The following SH3PXD2B variants were observed in gnomAD, a reference collection of about 807,000 sequenced individuals.
SH3PXD2B encodes the protein SH3 and PX domains 2B, also known as SH3 and PX domain-containing protein 2B.
Under a neutral mutation model 73.1 loss-of-function variants are expected in SH3PXD2B, and 37 were observed. The observed-to-expected ratio is 0.51, with a 90% CI of 0.39 to 0.67. The LOEUF is 0.67. Ranked by LOEUF, SH3PXD2B falls within the 30% of genes least tolerant of loss-of-function variation. The pLI, the probability that SH3PXD2B is intolerant of heterozygous loss-of-function variation, is 0.00. For synonymous variants in SH3PXD2B, 457 were observed against 480.5 expected, an observed-to-expected ratio of 0.95 and a Z score of 0.64; for missense variants, 1,053 against 1,197.8, an observed-to-expected ratio of 0.88 and a Z score of 1.78.
intron 6 of SH3PXD2B, among the ~76,000 whole-genome samples, chr5:172,368,556 ATATATATATAAAATATG>A (rs1757603503): frequency 4.2e-5 from 1 of 23,688 alleles, no homozygotes; most frequent in South Asian, 1.9e-3. Context: ...TATATATATT[ATATATATATAAAATATG>A]TTATATATAT....
At chr5:172,416,817 T>TC (rs1223342332) in intron 2 of SH3PXD2B, among the ~76,000 whole-genome samples, 1 of 146,824 alleles carries the variant, frequency 6.8e-6, no homozygotes, top group African/African-American at 2.5e-5. Context: ...CAAGGGATCC[T>TC]CCCACCTCAG....
chr5:172,352,115 A>G (rs936216586), intron 9 of SH3PXD2B, among the ~76,000 whole-genome samples: 2 of 152,224 alleles, frequency 1.3e-5, no homozygotes, highest in Non-Finnish European at 2.9e-5. Context: ...CTTGAGTCTA[A>G]TTAAGCCACT....
At position 172,454,470 on chromosome 5, in the gene SH3PXD2B, G is replaced by GGCCGAGCACGAGCCGCC; in HGVS notation, c.-135_-119dup. On this transcript the variant is annotated 5_prime_UTR_variant, in exon 1 of 13. Transcript: ENST00000311601. ...TGGAGCTGAGCGCAATCGCAGCCGG[G>GGCCGAGCACGAGCCGCC]GCCGAGCACGAGCCGCCGCCGCCAC... is the stretch of plus-strand genomic sequence containing the variant. 1 of 431,418 alleles carries GGCCGAGCACGAGCCGCC rather than the reference G, an allele frequency of 2.3e-6. No homozygotes were observed. Among genetic ancestry groups the GGCCGAGCACGAGCCGCC allele is most frequent in the Non-Finnish European group, 3.2e-6 (1 of 311,076 alleles). 26.7% of individuals were successfully genotyped at this position (431,418 alleles called of 1,614,324 possible). A position where few individuals can be genotyped will look rare whatever the true frequency, so the allele number is the denominator to read the frequency against.
At position 172,336,971 on chromosome 5, in the gene SH3PXD2B, C is replaced by G; in HGVS notation, c.*1398G>C. ...GCACAGGAAGCAGCTCTGCCTGGCCCTTGGTTACCTGCCTCCCTATGGGAC... is the reference window on the plus strand; with the variant it reads ...GCACAGGAAGCAGCTCTGCCTGGCCGTTGGTTACCTGCCTCCCTATGGGAC... On this transcript the variant is annotated 3_prime_UTR_variant, in exon 13 of 13. Transcript: ENST00000311601. 2.0e-6 allele frequency: 2 copies of G among 985,546 alleles called. No homozygotes were observed. Among genetic ancestry groups the G allele is most frequent in the Non-Finnish European group, 1.2e-6 (1 of 829,984 alleles). 61.1% of individuals were successfully genotyped at this position (985,546 alleles called of 1,614,324 possible).
In SH3PXD2B at chr5:172,335,924, A is replaced by G. The variant is rs1756680350; in HGVS notation, c.*2445T>C. ...CGCGGGTCATGTCAGAATAATCATC[A>G]TCATCATAGCAAAAGAGAATGGCAG... On this transcript the variant is annotated 3_prime_UTR_variant, in exon 13 of 13. Coordinates refer to ENST00000311601, the MANE Select transcript of SH3PXD2B (RefSeq NM_001017995.3). The G allele has an allele frequency of 1.7e-6, 2 of 1,175,476 alleles. No homozygotes were observed. Among genetic ancestry groups the G allele is most frequent in the Admixed American group, 9.2e-5 (2 of 21,848 alleles). 72.8% of individuals were successfully genotyped at this position (1,175,476 alleles called of 1,614,324 possible). A position where few individuals can be genotyped will look rare whatever the true frequency, so the allele number is the denominator to read the frequency against.
intron 3 of SH3PXD2B, 75 bp from the exon 4 acceptor site, chr5:172,394,714 C>T: frequency 6.6e-7 from 1 of 1,515,744 alleles, no homozygotes. Context: ...AGGGTGTGGA[C>T]ATGGCGGTTC....
At chr5:172,412,783 T>C (rs930137434) in intron 2 of SH3PXD2B, among the ~76,000 whole-genome samples, 1 of 152,074 alleles carries the variant, frequency 6.6e-6, no homozygotes, top group Non-Finnish European at 1.5e-5. Context: ...ACCCATGTCA[T>C]CCTTGGTAAT....
chr5:172,389,333 C>T (rs929583790), intron 4 of SH3PXD2B, among the ~76,000 whole-genome samples: 1 of 151,970 alleles, frequency 6.6e-6, no homozygotes, highest in African/African-American at 2.4e-5. Flanking sequence ...GAATTACAGG[C>T]ATGAGCCACC....
chr5:172,330,096 A>G (rs1756528127), downstream of SH3PXD2B, among the ~76,000 whole-genome samples: 1 of 152,192 alleles, frequency 6.6e-6, no homozygotes, highest in Non-Finnish European at 1.5e-5. Flanking sequence ...CTTGCAGAAT[A>G]CACACCGGTT....
At chr5:172,441,930 T>G (rs1371777229) in intron 1 of SH3PXD2B, among the ~76,000 whole-genome samples, 1 of 152,184 alleles carries the variant, frequency 6.6e-6, no homozygotes, top group Admixed American at 6.5e-5. Context: ...CCTCCCTTGT[T>G]GGGCTCCTAA....
At chr5:172,358,979 G>A in intron 7 of SH3PXD2B, 102 bp from the exon 8 acceptor site, 1 of 1,101,926 alleles carries the variant, frequency 9.1e-7, no homozygotes, top group South Asian at 1.3e-5. Context: ...GAATGCACAG[G>A]GTAAGGCTAA....
intron 1 of SH3PXD2B, among the ~76,000 whole-genome samples, chr5:172,424,280 T>A (rs1581328863): frequency 6.6e-6 from 1 of 152,146 alleles, no homozygotes; most frequent in East Asian, 1.9e-4. Context: ...AGGAGAGAGA[T>A]CTCTGAAGCC....
chr5:172,348,615 AATCT>A (rs147652696), intron 10 of SH3PXD2B, among the ~76,000 whole-genome samples: 48 of 140,782 alleles, frequency 3.4e-4, no homozygotes, highest in African/African-American at 1.4e-3. Flanking sequence ...TTAGCATCTG[AATCT>A]ATCTATGTAT....
At chr5:172,399,515 G>A (rs11952628) in intron 3 of SH3PXD2B, among the ~76,000 whole-genome samples, 72,888 of 151,958 alleles carry the variant, frequency 0.48, 18,470 homozygotes, top group East Asian at 0.69. Context: ...AGACGTCCGC[G>A]TCAGAGACTG....
chr5:172,339,994 G>A lies in SH3PXD2B; in HGVS notation c.1189-78C>T. 1.9e-6 allele frequency: 3 copies of A among 1,587,106 alleles called. No individual in the cohort carries two copies. Among genetic ancestry groups the A allele is most frequent in the Non-Finnish European group, 2.6e-6 (3 of 1,166,850 alleles). ...TGGAATGGTTTGGCAGAACCCATGT[G>A]CAACTGGAGCTCTAGAAGCTGTCAC... On this transcript the variant is annotated intron_variant, in intron 12 of 12. Transcript: ENST00000311601. This position sits in a 1 kb window ranked among gnomAD's most constrained non-coding sequence, Gnocchi z 6.1.
chr5:172,415,134 C>T (rs1289412825), intron 2 of SH3PXD2B, among the ~76,000 whole-genome samples: 2 of 152,176 alleles, frequency 1.3e-5, no homozygotes, highest in East Asian at 3.9e-4. Flanking sequence ...TGTGGCAGCT[C>T]GAGGTCTAGG....
At chr5:172,442,141 AC>A (rs1185679219) in intron 1 of SH3PXD2B, among the ~76,000 whole-genome samples, 2 of 152,142 alleles carry the variant, frequency 1.3e-5, no homozygotes, top group African/African-American at 4.8e-5. Context: ...AGGTCACACT[AC>A]CCTATCATTT....
intron 2 of SH3PXD2B, among the ~76,000 whole-genome samples, chr5:172,408,592 G>A (rs898289008): frequency 1.4e-5 from 2 of 145,744 alleles, no homozygotes; most frequent in African/African-American, 5.2e-5. Flanking sequence ...AGGCTGGGGT[G>A]CAATGGCATG....
At chr5:172,381,516 C>A (rs1364904770) in intron 5 of SH3PXD2B, among the ~76,000 whole-genome samples, 1 of 152,130 alleles carries the variant, frequency 6.6e-6, no homozygotes, top group Non-Finnish European at 1.5e-5. Context: ...GGCGTCTGGG[C>A]AAGTGGCCTG....
Sources: allele counts gnomAD v4.1 joint callset (sites outside exome capture counted in the v4.1 genomes callset), GRCh38; gene constraint gnomAD v4.1.1; non-coding constraint Gnocchi (gnomAD v3.1); transcripts MANE v1.5; gene names NCBI Gene and HGNC (gene_info 2026-07-23, HGNC 2026-07-21).